Variants in SETD3 observed in about 807,000 individuals in gnomAD.
The protein encoded by SETD3 is actin-histidine N-methyltransferase.
SETD3 carries 19 observed loss-of-function variants against 63.0 expected under a neutral mutation model. That is an observed-to-expected ratio of 0.30 (90% confidence interval 0.21 to 0.44). SETD3 has a LOEUF of 0.44. Among genes scored for constraint, SETD3 ranks in the 20% least tolerant of loss-of-function variants. The probability of loss-of-function intolerance (pLI) is 1.00; values close to 1 mark genes in which losing one functional copy is unlikely to be tolerated. For missense variants in SETD3, 587 were observed against 728.5 expected, an observed-to-expected ratio of 0.81 and a Z score of 2.24; for synonymous variants, 286 against 264.1, an observed-to-expected ratio of 1.08 and a Z score of -0.80.
intron 6 of SETD3, among the ~76,000 whole-genome samples, chr14:99,444,780 A>G (rs1287983636): frequency 6.6e-6 from 1 of 151,616 alleles, no homozygotes; most frequent in Non-Finnish European, 1.5e-5. Context: ...GGCTGCAGTG[A>G]GCCGTGATTG....
Position 99,414,541 on chromosome 14 carries a change from C to T in SETD3, c.676-607G>A, listed in dbSNP as rs2400665. On this transcript the variant is annotated intron_variant, in intron 6 of 12. Coordinates refer to ENST00000331768, the MANE Select transcript of SETD3 (RefSeq NM_032233.3). ...GGTCTATGAGACTATAAAATAACTT[C>T]ACAAACACATAGGATAACGACAAAA... Among the ~76,000 whole-genome samples the T allele has an allele frequency of 7.3e-4, 111 of 152,160 alleles. 2 individuals are homozygous for T. The highest frequency in any genetic ancestry group is 2.2e-4 in the Non-Finnish European group (15 of 67,996).
chr14:99,408,597 T>C (rs1057107529), intron 8 of SETD3, among the ~76,000 whole-genome samples: 6 of 152,030 alleles, frequency 3.9e-5, no homozygotes, highest in African/African-American at 1.5e-4. Flanking sequence ...TATGGGTGTT[T>C]AAGGGTATTT....
At chr14:99,441,440 GGACA>G (rs1893805801) in intron 6 of SETD3, among the ~76,000 whole-genome samples, 1 of 152,222 alleles carries the variant, frequency 6.6e-6, no homozygotes, top group South Asian at 2.1e-4. Context: ...TGGTGCCCAA[GGACA>G]GAAAGGCCCC....
intron 8 of SETD3, among the ~76,000 whole-genome samples, chr14:99,406,922 C>T (rs1211210597): frequency 2.0e-5 from 3 of 152,178 alleles, no homozygotes; most frequent in Non-Finnish European, 4.4e-5. Context: ...AGCCCACAGG[C>T]CACGCCTCCC....
chr14:99,476,118 G>T (rs1343423530), intron 1 of SETD3, among the ~76,000 whole-genome samples: 1 of 152,188 alleles, frequency 6.6e-6, no homozygotes, highest in Admixed American at 6.5e-5. Context: ...TATAAGATAG[G>T]TATTAACAAG....
chr14:99,413,011 A>T lies in SETD3; in HGVS notation c.789T>A (p.Gly263=). Residue 263 remains glycine (G), a synonymous_variant, in exon 8 of 13, where the codon GGT becomes GGA. Coordinates refer to ENST00000331768, the MANE Select transcript of SETD3 (RefSeq NM_032233.3). The stretch of plus-strand genomic sequence containing the variant: ...GAATCAGAGCCAGGGTCACGCGGGA[A>T]CCATCCTCTGTGGGAATTTGGTTTT... The part of the protein sequence containing the change: ...TRQNQIPTED[G]SRVTLALIPL... 6.2e-7 allele frequency: 1 copy of T among 1,614,142 alleles called. No individual in the cohort carries two copies. The highest frequency in any genetic ancestry group is 8.5e-7 in the Non-Finnish European group (1 of 1,179,992).
intron 1 of SETD3, among the ~76,000 whole-genome samples, chr14:99,473,760 C>T (rs1204677829): frequency 1.3e-5 from 2 of 152,180 alleles, no homozygotes; most frequent in African/African-American, 4.8e-5. Context: ...GATCAGATTA[C>T]TACATTCAGA....
At position 99,447,586 on chromosome 14, in the gene SETD3, G is replaced by A. The variant is rs111565077; in HGVS notation, c.675+10693C>T. On this transcript the variant is annotated intron_variant, in intron 6 of 12. Coordinates refer to ENST00000331768, the MANE Select transcript of SETD3 (RefSeq NM_032233.3). ...AATGTCAGCTATCACGAACAGGCAA[G>A]GTCACAGGTCAGGGCATTTCACCAA... Among the ~76,000 whole-genome samples the A allele has an allele frequency of 8.4e-3, 1,275 of 152,316 alleles. 15 individuals carry two copies. The highest frequency in any genetic ancestry group is 0.029 in the African/African-American group (1,195 of 41,552).
intron 1 of SETD3, among the ~76,000 whole-genome samples, chr14:99,467,827 A>G (rs1895477699): frequency 6.6e-6 from 1 of 152,168 alleles, no homozygotes; most frequent in South Asian, 2.1e-4. Flanking sequence ...CAACAGCTAC[A>G]AAACAGGCTC....
chr14:99,443,906 G>A (rs775939377), intron 6 of SETD3, among the ~76,000 whole-genome samples: 13 of 152,212 alleles, frequency 8.5e-5, no homozygotes, highest in Non-Finnish European at 1.3e-4. Flanking sequence ...CATGACTCTT[G>A]GAAGGAGGCT....
upstream of SETD3, chr14:99,481,494 G>T: frequency 2.5e-6 from 1 of 398,642 alleles, no homozygotes; most frequent in South Asian, 1.3e-4. Context: ...GTGACCCACC[G>T]ACTGAGGGCA....
intron 8 of SETD3, among the ~76,000 whole-genome samples, chr14:99,407,160 GTTT>G (rs1378091287): frequency 2.6e-5 from 4 of 152,190 alleles, no homozygotes; most frequent in African/African-American, 9.7e-5. Context: ...AATAACTGCT[GTTT>G]TTTATGCCCT....
chr14:99,412,852 G>T (rs778133114), intron 8 of SETD3, 99 bp downstream of exon 8: 2 of 821,236 alleles, frequency 2.4e-6, no homozygotes, highest in Non-Finnish European at 4.2e-6. Flanking sequence ...GGGAGGCAAC[G>T]GGGGGAGTAC....
intron 6 of SETD3, among the ~76,000 whole-genome samples, chr14:99,419,784 A>G (rs995562415): frequency 4.2e-5 from 6 of 141,844 alleles, no homozygotes; most frequent in African/African-American, 1.8e-4. Flanking sequence ...CAAAAAAAAA[A>G]ACAAAAAAAA....
At chr14:99,410,075 T>G (rs147766564) in intron 8 of SETD3, 46 of 755,516 alleles carry the variant, frequency 6.1e-5, no homozygotes, top group African/African-American at 5.5e-4. Context: ...GGAGGGCGGA[T>G]GAGCTGGAGG....
chr14:99,456,226 C>A (rs1478177185), intron 6 of SETD3, among the ~76,000 whole-genome samples: 1 of 152,222 alleles, frequency 6.6e-6, no homozygotes, highest in African/African-American at 2.4e-5. Flanking sequence ...TTGCTCTTCT[C>A]AGTTTCATAC....
chr14:99,422,186 G>A (rs1047753927), intron 6 of SETD3, among the ~76,000 whole-genome samples: 2 of 152,194 alleles, frequency 1.3e-5, no homozygotes, highest in Non-Finnish European at 2.9e-5. Flanking sequence ...GTTTGGACCA[G>A]AAAACATATG....
At chr14:99,402,533 C>T (rs1461004484) in intron 11 of SETD3, among the ~76,000 whole-genome samples, 1 of 152,190 alleles carries the variant, frequency 6.6e-6, no homozygotes, top group Non-Finnish European at 1.5e-5. Flanking sequence ...ATCAATCCTC[C>T]AACTTCCCAA....
chr14:99,485,673 C>G (rs1353846244), upstream of SETD3, among the ~76,000 whole-genome samples: 1 of 152,176 alleles, frequency 6.6e-6, no homozygotes, highest in Non-Finnish European at 1.5e-5. Flanking sequence ...CCCTGTTACT[C>G]TCTTTGAGAA....
Sources: gnomAD v4.1 joint callset for allele counts (sites outside exome capture counted in the v4.1 genomes callset) on GRCh38, gnomAD v4.1.1 for gene constraint, MANE v1.5 for transcripts, NCBI Gene and HGNC (gene_info 2026-07-23, HGNC 2026-07-21) for gene names.